The following CREB5 variants were observed in gnomAD, a reference collection of about 807,000 sequenced individuals.
CREB5 encodes the protein cyclic AMP-responsive element-binding protein 5.
A neutral mutation model predicts 57.1 loss-of-function variants in CREB5; 19 were observed. The observed-to-expected ratio is 0.33, with a 90% confidence interval of 0.23 to 0.49. The LOEUF (loss-of-function observed/expected upper bound fraction) is 0.49. CREB5 is among the 20% of genes least tolerant of loss of function. The pLI is 0.99. For synonymous variants in CREB5, 238 were observed against 238.3 expected (o/e 1.00, Z 0.01); for missense variants, 579 against 671.6 (o/e 0.86, Z 1.52).
At chr7:28,315,413 C>T (rs773718975) in intron 1 of CREB5, among the ~76,000 whole-genome samples, 11 of 152,150 alleles carry the variant, frequency 7.2e-5, no homozygotes, top group African/African-American at 2.4e-4. Flanking sequence ...TTCTGTTAGC[C>T]GCTTCTCTTG....
At chr7:28,478,652 A>G (rs1166770095) in intron 1 of CREB5, among the ~76,000 whole-genome samples, 4 of 152,182 alleles carry the variant, frequency 2.6e-5, no homozygotes, top group South Asian at 2.1e-4. Context: ...CAACAAGGCA[A>G]TTATCACAAG....
At chr7:28,500,175 A>G (rs1792219832) in intron 3 of CREB5, among the ~76,000 whole-genome samples, 1 of 152,220 alleles carries the variant, frequency 6.6e-6, no homozygotes, top group African/African-American at 2.4e-5. Flanking sequence ...AATAAATAAC[A>G]ACAAAAAACC....
intron 1 of CREB5, among the ~76,000 whole-genome samples, chr7:28,344,828 C>T (rs1786009568): frequency 6.6e-6 from 1 of 151,870 alleles, no homozygotes; most frequent in Non-Finnish European, 1.5e-5. Context: ...TATTCCATGC[C>T]AATGGTAATC....
At chr7:28,688,848 G>C (rs1464626827) in intron 5 of CREB5, among the ~76,000 whole-genome samples, 1 of 152,188 alleles carries the variant, frequency 6.6e-6, no homozygotes. Flanking sequence ...CAGGAATAAA[G>C]AGGGCATGAT....
At position 28,570,551 on chromosome 7, in the gene CREB5, C is replaced by A; in HGVS notation, c.464+14C>A. 6.2e-7 allele frequency: 1 copy of A among 1,610,816 alleles called. No homozygotes were observed. Among genetic ancestry groups the A allele is most frequent in the Non-Finnish European group, 8.5e-7 (1 of 1,177,800 alleles). On this transcript the variant is annotated intron_variant, in intron 5 of 10. Transcript: ENST00000357727. ...CCGCCAGATCGGGTAAGGAGCCCTC[C>A]TTGGCTGCCCCTGGGTCCTGGCTGG...
chr7:28,404,889 C>A (rs1316196792), intron 1 of CREB5, among the ~76,000 whole-genome samples: 1 of 152,220 alleles, frequency 6.6e-6, no homozygotes, highest in Non-Finnish European at 1.5e-5. Flanking sequence ...GGCACTGGGA[C>A]AGGCAACAGC....
chr7:28,559,077 G>T (rs143148422), intron 4 of CREB5, among the ~76,000 whole-genome samples: 49 of 152,238 alleles, frequency 3.2e-4, no homozygotes, highest in African/African-American at 1.2e-3. Flanking sequence ...CAAGGTCATT[G>T]TTGCCATCTG....
chr7:28,741,510 C>T (rs1005134353), intron 7 of CREB5, among the ~76,000 whole-genome samples: 2 of 152,124 alleles, frequency 1.3e-5, no homozygotes, highest in Non-Finnish European at 2.9e-5. Context: ...CTGGAAGAGT[C>T]CTTTGTAGAG....
chr7:28,531,900 G>T (rs557420277), intron 4 of CREB5, among the ~76,000 whole-genome samples: 2 of 152,034 alleles, frequency 1.3e-5, no homozygotes. Flanking sequence ...GTGGTGGCAC[G>T]CACCTGTACT....
intron 6 of CREB5, among the ~76,000 whole-genome samples, chr7:28,721,255 A>G (rs1021888259): frequency 1.4e-4 from 22 of 152,186 alleles, no homozygotes; most frequent in Admixed American, 2.0e-4. Context: ...CAAACATCCT[A>G]CAATGCACAA....
At chr7:28,484,680 A>G (rs1791484538) in intron 1 of CREB5, among the ~76,000 whole-genome samples, 1 of 152,212 alleles carries the variant, frequency 6.6e-6, no homozygotes, top group Non-Finnish European at 1.5e-5. Context: ...ATACAGACTC[A>G]CTTATGTTGT....
At chr7:28,353,240 G>A (rs947806036) in intron 1 of CREB5, among the ~76,000 whole-genome samples, 8 of 151,986 alleles carry the variant, frequency 5.3e-5, no homozygotes, top group Non-Finnish European at 1.0e-4. Flanking sequence ...CAGCCACCAC[G>A]CCCAGCTAAT....
At chr7:28,738,414 G>A (rs2128755377) in intron 7 of CREB5, among the ~76,000 whole-genome samples, 1 of 152,308 alleles carries the variant, frequency 6.6e-6, no homozygotes, top group Middle Eastern at 3.4e-3. Context: ...TGGTTCAGTA[G>A]GCTCTTTGCC....
intron 1 of CREB5, among the ~76,000 whole-genome samples, chr7:28,344,087 T>C (rs745430359): frequency 1.3e-5 from 2 of 152,124 alleles, no homozygotes; most frequent in Non-Finnish European, 2.9e-5. Context: ...CATTATATGT[T>C]CTGGATATTA....
intron 5 of CREB5, among the ~76,000 whole-genome samples, chr7:28,664,586 T>G (rs979108527): frequency 6.6e-6 from 1 of 152,104 alleles, no homozygotes; most frequent in Non-Finnish European, 1.5e-5. Context: ...GGGTGACCAT[T>G]GAATTGGAAG....
intron 1 of CREB5, among the ~76,000 whole-genome samples, chr7:28,443,107 A>G (rs545695014): frequency 6.6e-6 from 1 of 152,208 alleles, no homozygotes; most frequent in African/African-American, 2.4e-5. Flanking sequence ...TTAGTCTACT[A>G]GTTTCATGGA....
At chr7:28,354,498 C>A (rs187086991) in intron 1 of CREB5, among the ~76,000 whole-genome samples, 1 of 152,138 alleles carries the variant, frequency 6.6e-6, no homozygotes, top group African/African-American at 2.4e-5. Context: ...TTGCAGACGG[C>A]GTATTGTGGG....
At chr7:28,600,197 C>A (rs1796860850) in intron 5 of CREB5, among the ~76,000 whole-genome samples, 1 of 152,154 alleles carries the variant, frequency 6.6e-6, no homozygotes, top group South Asian at 2.1e-4. Flanking sequence ...ACTTACCTCT[C>A]CTTGAGCTCC....
At chr7:28,496,063 T>G (rs1792030008) in intron 3 of CREB5, among the ~76,000 whole-genome samples, 1 of 152,164 alleles carries the variant, frequency 6.6e-6, no homozygotes, top group African/African-American at 2.4e-5. Context: ...TGAACCTTTT[T>G]GGGCTTCAGT....
Sources: allele counts gnomAD v4.1 joint callset (sites outside exome capture counted in the v4.1 genomes callset), GRCh38; gene constraint gnomAD v4.1.1; transcripts MANE v1.5; gene names NCBI Gene and HGNC (gene_info 2026-07-23, HGNC 2026-07-21).